Variants in FGD3 observed in about 807,000 individuals in gnomAD.
FGD3 encodes FYVE, RhoGEF and PH domain containing 3, also known as FYVE, RhoGEF and PH domain-containing protein 3.
FGD3 carries 45 observed loss-of-function variants against 71.8 expected under a neutral mutation model. The ratio of observed to expected loss-of-function variants is 0.63; its 90% CI spans 0.49 to 0.80. The LOEUF is 0.80. FGD3 is among the 30% of genes least tolerant of loss of function. The probability of loss-of-function intolerance (pLI) is 0.00; values close to 1 mark genes in which losing one functional copy is unlikely to be tolerated. For synonymous variants in FGD3, 378 were observed against 392.8 expected, an observed-to-expected ratio of 0.96 and a Z score of 0.44; for missense variants, 844 against 951.5, an observed-to-expected ratio of 0.89 and a Z score of 1.49.
At chr9:93,023,849 C>T (rs983489735) in intron 14 of FGD3, among the ~76,000 whole-genome samples, 20 of 143,458 alleles carry the variant, frequency 1.4e-4, no homozygotes, top group South Asian at 2.2e-4. Context: ...TCGCCCAGGC[C>T]GGAGTGCGGT....
At chr9:93,022,175 G>C in intron 13 of FGD3, 152 bp from the exon 14 acceptor site, 1 of 687,720 alleles carries the variant, frequency 1.5e-6, no homozygotes. Context: ...AGCTTCCCCA[G>C]AGGCACAGCA....
At chr9:92,996,451 A>G (rs990061150) in intron 3 of FGD3, among the ~76,000 whole-genome samples, 12 of 151,876 alleles carry the variant, frequency 7.9e-5, no homozygotes, top group African/African-American at 9.7e-5. Context: ...GATTTTTTTG[A>G]AGGGTTTTTT....
intron 14 of FGD3, among the ~76,000 whole-genome samples, chr9:93,025,298 G>A (rs752183774): frequency 5.3e-5 from 8 of 152,184 alleles, no homozygotes; most frequent in Non-Finnish European, 1.0e-4. Context: ...CTGGGCCCAC[G>A]ACAGACCACC....
chr9:92,985,518 G>T (rs1860157054), intron 3 of FGD3, among the ~76,000 whole-genome samples: 1 of 152,152 alleles, frequency 6.6e-6, no homozygotes, highest in Non-Finnish European at 1.5e-5. Context: ...TGCTCTTGTT[G>T]CCCAGGCTGG....
At chr9:93,012,131 G>A (rs1861428177) in intron 8 of FGD3, among the ~76,000 whole-genome samples, 1 of 147,072 alleles carries the variant, frequency 6.8e-6, no homozygotes, top group Non-Finnish European at 1.5e-5. Context: ...TCCAGCCTGG[G>A]CAACAGAGCA....
rs868227630 is a variant in FGD3 at position 93,034,534 on chromosome 9, T to A, written c.1786-7T>A. 1.9e-6 allele frequency: 3 copies of A among 1,605,316 alleles called. No individual in the cohort carries two copies. The highest frequency in any genetic ancestry group is 2.6e-6 in the Non-Finnish European group (3 of 1,174,994). On this transcript the variant is annotated splice_region_variant and splice_polypyrimidine_tract_variant and intron_variant, in intron 16 of 17. Transcript: ENST00000375482. ...ACTGCCCCTAACCTGTGTCTTTGTG[T>A]CCCCAGAAGACACCCACTGCAGACC...
intron 7 of FGD3, among the ~76,000 whole-genome samples, chr9:93,010,651 AG>A (rs1215926532): frequency 8.9e-6 from 1 of 111,820 alleles, no homozygotes; most frequent in Non-Finnish European, 1.8e-5. Flanking sequence ...CAGAGGAAGG[AG>A]GGGGAGAGAG....
At chr9:93,022,569 C>G (rs1861963072) in intron 14 of FGD3, among the ~76,000 whole-genome samples, 180 bp downstream of exon 14, 1 of 152,048 alleles carries the variant, frequency 6.6e-6, no homozygotes, top group Non-Finnish European at 1.5e-5. Context: ...GGAGGTGAAG[C>G]TATGTCTGAG....
chr9:93,026,532 G>T (rs79897207), intron 14 of FGD3, among the ~76,000 whole-genome samples: 1 of 152,146 alleles, frequency 6.6e-6, no homozygotes, highest in East Asian at 1.9e-4. Context: ...CATGGGAGCT[G>T]GTGCAGGGCC....
chr9:93,029,014 T>G (rs1438074199), intron 14 of FGD3, among the ~76,000 whole-genome samples: 9 of 125,630 alleles, frequency 7.2e-5, no homozygotes, highest in South Asian at 3.0e-4. Context: ...TTTTTTTTTT[T>G]TTTTTTTTTT....
At chr9:92,998,053 C>T (rs1860715923) in intron 3 of FGD3, among the ~76,000 whole-genome samples, 1 of 152,202 alleles carries the variant, frequency 6.6e-6, no homozygotes, top group Non-Finnish European at 1.5e-5. Context: ...GGATAATATC[C>T]TGCAGAGTGT....
chr9:92,996,126 AG>A (rs1356049653), intron 3 of FGD3, among the ~76,000 whole-genome samples: 3 of 152,086 alleles, frequency 2.0e-5, no homozygotes, highest in Admixed American at 6.6e-5. Context: ...TTTGGTTGGT[AG>A]GCTATTAATT....
intron 3 of FGD3, among the ~76,000 whole-genome samples, chr9:92,998,406 G>A (rs79517432): frequency 0.053 from 8,073 of 152,164 alleles, 285 homozygotes; most frequent in East Asian, 0.15. Flanking sequence ...TCTTTGCGAT[G>A]GGTTCAAACA....
At chr9:93,024,519 T>A (rs1456245263) in intron 14 of FGD3, among the ~76,000 whole-genome samples, 2 of 152,234 alleles carry the variant, frequency 1.3e-5, no homozygotes, top group African/African-American at 4.8e-5. Flanking sequence ...TATGGAGACA[T>A]CCGTGGTCAC....
At chr9:92,982,410 T>C (rs1860030725) in intron 3 of FGD3, among the ~76,000 whole-genome samples, 1 of 152,246 alleles carries the variant, frequency 6.6e-6, no homozygotes, top group African/African-American at 2.4e-5. Context: ...GTTGATTCCA[T>C]ATCTTGGCTG....
At chr9:93,002,321 C>T (rs1197573114) in intron 3 of FGD3, among the ~76,000 whole-genome samples, 1 of 152,154 alleles carries the variant, frequency 6.6e-6, no homozygotes, top group African/African-American at 2.4e-5. Flanking sequence ...CGGTGGCTCA[C>T]ACCTGTAATC....
At chr9:93,010,071 A>G (rs962004582) in intron 6 of FGD3, among the ~76,000 whole-genome samples, 175 bp from the exon 7 acceptor site, 12 of 152,156 alleles carry the variant, frequency 7.9e-5, no homozygotes, top group Non-Finnish European at 7.3e-5. Context: ...AGTCTCTCTG[A>G]GCCTCAGTTT....
chr9:93,023,502 G>A (rs1862004480), intron 14 of FGD3, among the ~76,000 whole-genome samples: 1 of 152,190 alleles, frequency 6.6e-6, no homozygotes, highest in Non-Finnish European at 1.5e-5. Flanking sequence ...CACCCTGCAG[G>A]GACATCTTAT....
chr9:93,010,347 G>T lies in FGD3; in HGVS notation c.939G>T (p.Arg313Ser), dbSNP rs773757537. ...YELLLKDYLKRLPQDAPDRKD... is the reference protein window; with the variant it reads ...YELLLKDYLKSLPQDAPDRKD... The stretch of plus-strand genomic sequence containing the variant: ...TGCTGCTCAAGGACTATCTGAAGAG[G>T]CTCCCGCAGGACGCCCCAGACCGGA... Residue 313 changes from arginine (R) to serine (S), a missense_variant, in exon 7 of 18, where the codon AGG becomes AGT. Coordinates refer to ENST00000375482, the MANE Select transcript of FGD3 (RefSeq NM_001083536.2). 1 of 1,613,348 alleles carries T rather than the reference G, an allele frequency of 6.2e-7. No homozygotes were observed. Among genetic ancestry groups the T allele is most frequent in the South Asian group, 1.1e-5 (1 of 91,066 alleles).
Sources: gnomAD v4.1 joint callset for allele counts (sites outside exome capture counted in the v4.1 genomes callset) on GRCh38, gnomAD v4.1.1 for gene constraint, MANE v1.5 for transcripts, NCBI Gene and HGNC (gene_info 2026-07-23, HGNC 2026-07-21) for gene names.